The following HMGCLL1 variants were observed in gnomAD, a reference collection of about 807,000 sequenced individuals.
The protein encoded by HMGCLL1 is 3-hydroxy-3-methylglutaryl-CoA lyase like 1, also known as 3-hydroxymethyl-3-methylglutaryl-CoA lyase, cytoplasmic.
A neutral mutation model predicts 39.1 loss-of-function variants in HMGCLL1; 36 were observed. That is an observed-to-expected ratio of 0.92 (90% CI 0.71 to 1.22). The LOEUF is 1.22. Among genes scored for constraint, HMGCLL1 ranks in the 50% most tolerant of loss-of-function variants. HMGCLL1 has a pLI of 0.00. For missense variants in HMGCLL1, 451 were observed against 416.5 expected (o/e 1.08, Z -0.72); for synonymous variants, 149 against 144.0 (o/e 1.03, Z -0.25).
the HMGCLL1 span, among the ~76,000 whole-genome samples, chr6:55,633,641 CA>C: frequency 1.3e-5 from 2 of 151,796 alleles, no homozygotes; most frequent in African/African-American, 4.8e-5. Flanking sequence ...GGTTTTCTAG[CA>C]AGGTAAAATG....
At chr6:55,676,801 G>A in the HMGCLL1 span, among the ~76,000 whole-genome samples, 4 of 152,226 alleles carry the variant, frequency 2.6e-5, no homozygotes, top group African/African-American at 9.6e-5. Context: ...AATAAAAAGA[G>A]TGTCTTAATA....
the HMGCLL1 span, among the ~76,000 whole-genome samples, chr6:55,591,941 T>C: frequency 6.6e-6 from 1 of 151,964 alleles, no homozygotes; most frequent in South Asian, 2.1e-4. Context: ...AATTTACACA[T>C]GGAAATACAC....
At chr6:55,575,011 A>G (rs1771694469) in intron 1 of HMGCLL1, among the ~76,000 whole-genome samples, 1 of 152,022 alleles carries the variant, frequency 6.6e-6, no homozygotes, top group Non-Finnish European at 1.5e-5. Flanking sequence ...TATTTTTGCA[A>G]AAGGGCATTA....
chr6:55,573,830 T>G (rs1231987453), intron 1 of HMGCLL1, among the ~76,000 whole-genome samples: 1 of 152,064 alleles, frequency 6.6e-6, no homozygotes, highest in Non-Finnish European at 1.5e-5. Context: ...CATCAAGTCA[T>G]AGATCCAAGA....
intron 7 of HMGCLL1, among the ~76,000 whole-genome samples, chr6:55,461,543 G>A (rs1457422668): frequency 5.9e-5 from 9 of 151,988 alleles, no homozygotes; most frequent in Admixed American, 5.9e-4. Flanking sequence ...GTAAGAACAA[G>A]AATATAACTA....
the HMGCLL1 span, among the ~76,000 whole-genome samples, chr6:55,608,912 G>T: frequency 6.6e-6 from 1 of 152,218 alleles, no homozygotes; most frequent in African/African-American, 2.4e-5. Flanking sequence ...TAGATGGTTA[G>T]TGTGACCCAC....
chr6:55,654,999 C>T, the HMGCLL1 span, among the ~76,000 whole-genome samples: 1 of 151,864 alleles, frequency 6.6e-6, no homozygotes, highest in Non-Finnish European at 1.5e-5. Flanking sequence ...TCTCTTGCAC[C>T]TACACATGCA....
chr6:55,567,976 C>T (rs1376148601), intron 1 of HMGCLL1, among the ~76,000 whole-genome samples: 1 of 151,986 alleles, frequency 6.6e-6, no homozygotes, highest in Admixed American at 6.6e-5. Flanking sequence ...GTTTTCTATC[C>T]TTGTTATTAC....
chr6:55,655,504 A>G, the HMGCLL1 span, among the ~76,000 whole-genome samples: 7 of 150,428 alleles, frequency 4.7e-5, no homozygotes, highest in East Asian at 7.9e-4. Flanking sequence ...TAGATGATAG[A>G]GAGATAGTTG....
the HMGCLL1 span, among the ~76,000 whole-genome samples, chr6:55,650,180 G>A: frequency 7.5e-6 from 1 of 133,674 alleles, no homozygotes; most frequent in East Asian, 2.4e-4. Flanking sequence ...ATGATTCCTG[G>A]TGCCTTATTT....
At chr6:55,490,583 T>C (rs1766259077) in intron 7 of HMGCLL1, among the ~76,000 whole-genome samples, 1 of 152,164 alleles carries the variant, frequency 6.6e-6, no homozygotes, top group African/African-American at 2.4e-5. Context: ...GTTTGTGATC[T>C]AAGTATAGTC....
the HMGCLL1 span, among the ~76,000 whole-genome samples, chr6:55,605,980 T>C: frequency 5.8e-4 from 88 of 152,202 alleles, no homozygotes. Flanking sequence ...ATGGATGTAA[T>C]AGTGTAAGAT....
chr6:55,478,401 G>A (rs562106226), intron 7 of HMGCLL1, among the ~76,000 whole-genome samples: 86 of 151,380 alleles, frequency 5.7e-4, no homozygotes, highest in Non-Finnish European at 1.0e-3. Flanking sequence ...GAAGAGAAGT[G>A]AAAGGACAAA....
intron 7 of HMGCLL1, among the ~76,000 whole-genome samples, chr6:55,482,962 G>A (rs1376788034): frequency 6.6e-6 from 1 of 152,040 alleles, no homozygotes; most frequent in East Asian, 1.9e-4. Context: ...TAGAACTCAA[G>A]GAAGATACAG....
chr6:55,493,009 C>A (rs922201481), intron 7 of HMGCLL1, among the ~76,000 whole-genome samples: 5 of 151,232 alleles, frequency 3.3e-5, no homozygotes, highest in Non-Finnish European at 7.4e-5. Flanking sequence ...AATAGTTTAG[C>A]GTAAGCCGAA....
the HMGCLL1 span, among the ~76,000 whole-genome samples, chr6:55,660,942 G>A: frequency 0.055 from 8,368 of 151,750 alleles, 391 homozygotes; most frequent in Non-Finnish European, 0.077. Flanking sequence ...ATCTCATTGC[G>A]GTTTTGATTT....
At chr6:55,503,831 A>G (rs1480469601) in intron 5 of HMGCLL1, among the ~76,000 whole-genome samples, 1 of 151,646 alleles carries the variant, frequency 6.6e-6, no homozygotes, top group Non-Finnish European at 1.5e-5. Flanking sequence ...TCAATAACCA[A>G]AGGTTAGCTG....
chr6:55,471,689 T>A (rs1024284502), intron 7 of HMGCLL1, among the ~76,000 whole-genome samples: 6 of 151,644 alleles, frequency 4.0e-5, no homozygotes, highest in African/African-American at 9.7e-5. Context: ...TTTCTTTTTT[T>A]AAAATAAGCT....
rs897700264 is a variant in HMGCLL1 at position 55,522,175 on chromosome 6, G to T, written c.298-5572C>A. ...ATTATTTATATATACTCATATATTTGTATGATAAATTATTACTTTTTAGTG... is the reference window on the plus strand; with the variant it reads ...ATTATTTATATATACTCATATATTTTTATGATAAATTATTACTTTTTAGTG... On this transcript the variant is annotated intron_variant, in intron 3 of 8. Coordinates refer to ENST00000274901, the MANE Select transcript of HMGCLL1 (RefSeq NM_001042406.2). 2.6e-5 allele frequency among the ~76,000 whole-genome samples: 4 copies of T among 151,874 alleles called. No homozygotes were observed. In the East Asian group the frequency reaches 7.8e-4, roughly 29 times the overall value.
Sources: allele counts gnomAD v4.1 joint callset (sites outside exome capture counted in the v4.1 genomes callset), GRCh38; gene constraint gnomAD v4.1.1; transcripts MANE v1.5; gene names NCBI Gene and HGNC (gene_info 2026-07-23, HGNC 2026-07-21).